The following CIITA variants were observed in gnomAD, a reference collection of about 807,000 sequenced individuals.
CIITA encodes MHC class II transactivator.
CIITA carries 72 observed loss-of-function variants against 115.1 expected under a neutral mutation model. The ratio of observed to expected loss-of-function variants is 0.63; its 90% CI spans 0.52 to 0.76. CIITA has a LOEUF of 0.76. Among genes scored for constraint, CIITA ranks in the 30% least tolerant of loss-of-function variants. The pLI, the probability that CIITA is intolerant of heterozygous loss-of-function variation, is 0.00. For synonymous variants in CIITA, 763 were observed against 635.6 expected (o/e 1.20, Z -3.02); for missense variants, 1,617 against 1,463.8 (o/e 1.10, Z -1.71).
In CIITA at chr16:10,909,164, G is replaced by A. The variant is rs1158034248; in HGVS notation, c.2793G>A (p.Leu931=). The A allele has an allele frequency of 6.2e-7, 1 of 1,614,102 alleles. No individual in the cohort carries two copies. The highest frequency in any genetic ancestry group is 1.3e-5 in the African/African-American group (1 of 74,940). The part of the protein sequence containing the change: ...KAKSLKDVED[L]GKLVQTQRTR... ...AGTCCCTGAAGGATGTGGAAGACCT[G>A]GGAAAGCTTGTGCAGACTCAGAGGT... Residue 931 remains leucine (L), a synonymous_variant, in exon 12 of 20, where the codon CTG becomes CTA. Transcript: ENST00000324288.
chr16:10,886,779 A>C (rs2036993572), intron 1 of CIITA, among the ~76,000 whole-genome samples: 4 of 152,266 alleles, frequency 2.6e-5, no homozygotes, highest in Admixed American at 2.6e-4. Context: ...AATGCAGTCG[A>C]TTCTGTGACT....
At chr16:10,891,995 C>T (rs968282694) in intron 1 of CIITA, among the ~76,000 whole-genome samples, 3 of 152,110 alleles carry the variant, frequency 2.0e-5, no homozygotes, top group African/African-American at 4.8e-5. Flanking sequence ...CTGAGCCTCT[C>T]CCCAGGCAGT....
At chr16:10,908,850 T>C in intron 11 of CIITA, 179 bp from the exon 12 acceptor site, 1 of 829,262 alleles carries the variant, frequency 1.2e-6, no homozygotes, top group Non-Finnish European at 2.0e-6. Context: ...ACTGTGTGAG[T>C]TGTGAGAAAG....
chr16:10,902,291 A>G, intron 7 of CIITA, 107 bp downstream of exon 7: 1 of 1,462,444 alleles, frequency 6.8e-7, no homozygotes, highest in South Asian at 1.2e-5. Context: ...CCTCTCCCCA[A>G]CCCTATCAGT....
chr16:10,877,228 G>T lies in CIITA; in HGVS notation c.-103G>T. Reference sequence around the variant, plus strand: ...GTGATGAGGCTAGTGATGAGGCTGTGTGCTTCTGAGCTGGGCATCCGAAGG... The same window carrying T: ...GTGATGAGGCTAGTGATGAGGCTGTTTGCTTCTGAGCTGGGCATCCGAAGG... On this transcript the variant is annotated 5_prime_UTR_variant, in exon 1 of 20. Coordinates refer to ENST00000324288, the MANE Select transcript of CIITA (RefSeq NM_000246.4). The T allele has an allele frequency of 2.1e-6, 2 of 974,182 alleles. No individual in the cohort carries two copies. The highest frequency in any genetic ancestry group is 1.6e-6 in the Non-Finnish European group (1 of 619,778). The allele number at this position is 974,182 out of a possible 1,614,324, so 60.3% of individuals were successfully genotyped here. A position where few individuals can be genotyped will look rare whatever the true frequency, so the allele number is the denominator to read the frequency against.
Position 10,927,313 on chromosome 16 carries a change from T to G in CIITA, c.*3458T>G, listed in dbSNP as rs963989949. 2.0e-5 allele frequency: 3 copies of G among 152,280 alleles called. No individual in the cohort carries two copies. The highest frequency in any genetic ancestry group is 4.8e-5 in the African/African-American group (2 of 41,454). 9.4% of individuals were successfully genotyped at this position (152,280 alleles called of 1,614,324 possible). A position where few individuals can be genotyped will look rare whatever the true frequency, so the allele number is the denominator to read the frequency against. ...TTATCTTTTTCACTTATTTATGCAG[T>G]CTGCTCTTGTCCTAGGACATGAGCT... On this transcript the variant is annotated 3_prime_UTR_variant, in exon 20 of 20. Coordinates refer to ENST00000324288, the MANE Select transcript of CIITA (RefSeq NM_000246.4).
rs1186308497 is a variant in CIITA, at chr16:10,942,615, G to C, written n.1741G>C. On this transcript the variant is annotated non_coding_transcript_exon_variant, in exon 2 of 2. Coordinates refer to the CIITA transcript ENST00000573379. This position sits in a 1 kb window ranked among gnomAD's most constrained non-coding sequence, Gnocchi z 5.0. ...TCCGCCCCTCGGGGCCCTAGCGTCTGAGTTGCTTTCCTGGTTCGGGTCTGC... is the reference window on the plus strand; with the variant it reads ...TCCGCCCCTCGGGGCCCTAGCGTCTCAGTTGCTTTCCTGGTTCGGGTCTGC... The C allele has an allele frequency of 2.0e-5, 3 of 152,344 alleles. No individual in the cohort carries two copies. Among genetic ancestry groups the C allele is most frequent in the East Asian group, 3.9e-4 (2 of 5,194 alleles). The allele number at this position is 152,344 out of a possible 1,614,324, so 9.4% of individuals were successfully genotyped here. A position where few individuals can be genotyped will look rare whatever the true frequency, so the allele number is the denominator to read the frequency against.
chr16:10,891,308 C>T (rs781399109), intron 1 of CIITA, among the ~76,000 whole-genome samples: 3 of 152,010 alleles, frequency 2.0e-5, no homozygotes, highest in African/African-American at 7.3e-5. Flanking sequence ...GGGCAGCCAC[C>T]GACAGGCTAT....
chr16:10,901,726 C>A lies in CIITA; in HGVS notation c.481+168C>A, dbSNP rs1286092455. 3 of 730,696 alleles carry A rather than the reference C, an allele frequency of 4.1e-6. No homozygotes were observed. Among genetic ancestry groups the A allele is most frequent in the Non-Finnish European group, 4.6e-6 (2 of 434,450 alleles). The allele number at this position is 730,696 out of a possible 1,614,324, so 45.3% of individuals were successfully genotyped here. On this transcript the variant is annotated intron_variant, in intron 6 of 19. Coordinates refer to ENST00000324288, the MANE Select transcript of CIITA (RefSeq NM_000246.4). The surrounding 1 kb of genome is among the most constrained non-coding windows in gnomAD (Gnocchi z 6.8). ...GGGTCCCTTAGAGTCCTCTAAGGGG[C>A]TCACGACTGTTTGTGGAAGGTGGTA...
intron 11 of CIITA, chr16:10,908,681 G>A (rs955082768): frequency 3.1e-5 from 16 of 516,122 alleles, no homozygotes; most frequent in South Asian, 4.2e-5. Context: ...TCATTAAGTC[G>A]GTCTGCAATC....
downstream of CIITA, chr16:10,937,102 T>C (rs1408300561): frequency 6.6e-6 from 1 of 152,204 alleles, no homozygotes; most frequent in Non-Finnish European, 1.5e-5. This position sits in a 1 kb window ranked among gnomAD's most constrained non-coding sequence, Gnocchi z 4.2. Context: ...TTGAGACACA[T>C]ACTGGGGTTT....
chr16:10,891,222 A>G (rs2037540345), intron 1 of CIITA, among the ~76,000 whole-genome samples: 1 of 145,922 alleles, frequency 6.9e-6, no homozygotes, highest in Non-Finnish European at 1.5e-5. Flanking sequence ...TGATCATTTC[A>G]TTGGGAACAT....
intron 3 of CIITA, among the ~76,000 whole-genome samples, chr16:10,897,298 T>G (rs2038229135): frequency 6.6e-6 from 1 of 152,184 alleles, no homozygotes; most frequent in African/African-American, 2.4e-5. Context: ...GCAAGAGGTT[T>G]CGGTGTGATA....
Position 10,941,773 on chromosome 16 carries a change from G to A in CIITA, n.899G>A, listed in dbSNP as rs750982081. On this transcript the variant is annotated non_coding_transcript_exon_variant, in exon 2 of 2. Coordinates refer to the CIITA transcript ENST00000573379. This position sits in a 1 kb window ranked among gnomAD's most constrained non-coding sequence, Gnocchi z 6.4. ...CTCCGAGTCAGCATCGTAAAGGCCC[G>A]AGCCGGGGTCGGAGAGCACGCCGAG... 1.1e-5 allele frequency: 17 copies of A among 1,613,652 alleles called. 1 individual carries two copies. In the South Asian group the frequency reaches 1.6e-4, roughly 16 times the overall value.
chr16:10,906,467 C>A (rs763246371), intron 10 of CIITA, 32 bp from the exon 11 acceptor site: 4 of 1,609,688 alleles, frequency 2.5e-6, no homozygotes, highest in African/African-American at 1.3e-5. Flanking sequence ...CTCTCACATA[C>A]CCCCACCCTG....
intron 15 of CIITA, 79 bp downstream of exon 15, chr16:10,916,538 T>C (rs916662013): frequency 1.6e-6 from 2 of 1,283,382 alleles, no homozygotes; most frequent in Admixed American, 2.0e-5. Context: ...AATTTAAATT[T>C]GTTTTTTTAG....
chr16:10,867,697 T>C (rs372079866), intron 1 of CIITA, among the ~76,000 whole-genome samples: 23 of 152,290 alleles, frequency 1.5e-4, no homozygotes, highest in African/African-American at 5.5e-4. Flanking sequence ...CCTTGGCTCC[T>C]CCAACTTTTT....
Position 10,901,972 on chromosome 16 carries a change from G to T in CIITA, c.482-66G>T. On this transcript the variant is annotated intron_variant, in intron 6 of 19. Coordinates refer to ENST00000324288, the MANE Select transcript of CIITA (RefSeq NM_000246.4). This position sits in a 1 kb window ranked among gnomAD's most constrained non-coding sequence, Gnocchi z 6.8. Reference sequence around the variant, plus strand: ...AGGAGAGACATCCATGCCACTCCAGGGCCCTCCCCATCCCAGGAAGGCCCC... The same window carrying T: ...AGGAGAGACATCCATGCCACTCCAGTGCCCTCCCCATCCCAGGAAGGCCCC... 1.3e-6 allele frequency: 2 copies of T among 1,599,620 alleles called. No individual in the cohort carries two copies. The highest frequency in any genetic ancestry group is 8.5e-7 in the Non-Finnish European group (1 of 1,170,816).
intron 10 of CIITA, 112 bp downstream of exon 10, chr16:10,904,924 C>A: frequency 9.2e-7 from 1 of 1,088,302 alleles, no homozygotes; most frequent in Non-Finnish European, 1.4e-6. Flanking sequence ...TTGGCTCACA[C>A]ACTCATTTAT....
Sources: allele counts gnomAD v4.1 joint callset (sites outside exome capture counted in the v4.1 genomes callset), GRCh38; gene constraint gnomAD v4.1.1; non-coding constraint Gnocchi (gnomAD v3.1); transcripts MANE v1.5; gene names NCBI Gene and HGNC (gene_info 2026-07-23, HGNC 2026-07-21).